Variants in CASP6 observed in about 807,000 individuals in gnomAD.
The protein encoded by CASP6 is caspase-6.
Under a neutral mutation model 31.8 loss-of-function variants are expected in CASP6, and 20 were observed. The observed-to-expected ratio is 0.63, with a 90% CI of 0.44 to 0.91. CASP6 has a LOEUF of 0.91. Ranked by LOEUF, CASP6 falls within the 40% of genes least tolerant of loss-of-function variation. CASP6 has a pLI of 0.00. For synonymous variants in CASP6, 130 were observed against 127.8 expected (o/e 1.02, Z -0.12); for missense variants, 328 against 361.1 (o/e 0.91, Z 0.74).
downstream of CASP6, among the ~76,000 whole-genome samples, chr4:109,686,503 A>T (rs931764408): frequency 1.3e-5 from 2 of 152,110 alleles, no homozygotes; most frequent in African/African-American, 2.4e-5. Context: ...TAATGCTTTT[A>T]AAAAAAATTT....
At position 109,696,305 on chromosome 4, in the gene CASP6, C is replaced by CT. The variant is rs560281672; in HGVS notation, c.307+104dup. On this transcript the variant is annotated intron_variant, in intron 4 of 6. Coordinates refer to ENST00000265164, the MANE Select transcript of CASP6 (RefSeq NM_001226.4). ...ACCTGTAACCTGTGCTAAATTAATA[C>CT]TTTTTTTGTCACACAAGTAATTACT... The CT allele has an allele frequency of 9.4e-5, 74 of 791,300 alleles. No individual in the cohort carries two copies. In the East Asian group the frequency reaches 1.6e-3, roughly 17 times the overall value. The allele number at this position is 791,300 out of a possible 1,614,324, so 49.0% of individuals were successfully genotyped here. A position where few individuals can be genotyped will look rare whatever the true frequency, so the allele number is the denominator to read the frequency against.
At chr4:109,680,549 T>TTTTTTTTTTTTTTTTGAG in the CASP6 span, among the ~76,000 whole-genome samples, 1 of 152,040 alleles carries the variant, frequency 6.6e-6, no homozygotes, top group African/African-American at 2.4e-5. Context: ...GTATATGTTT[T>TTTTTTTTTTTTTTTTGAG]ATGTACCAAT....
Position 109,689,323 on chromosome 4 carries a change from C to CTATT in CASP6, c.*3_*6dup. 1 of 1,610,682 alleles carries CTATT rather than the reference C, an allele frequency of 6.2e-7. No homozygotes were observed. Among genetic ancestry groups the CTATT allele is most frequent in the Middle Eastern group, 1.7e-4 (1 of 6,048 alleles). On this transcript the variant is annotated 3_prime_UTR_variant, in exon 7 of 7. Transcript: ENST00000265164. Reference sequence around the variant, plus strand: ...TACAGAGTGTAAAATTAGATAGCCTCTATTAATTAATTAGATTTTGGAAAG... The same window carrying CTATT: ...TACAGAGTGTAAAATTAGATAGCCTCTATTTATTAATTAATTAGATTTTGGAAAG...
chr4:109,682,330 T>TC, the CASP6 span, among the ~76,000 whole-genome samples: 2 of 151,970 alleles, frequency 1.3e-5, no homozygotes, highest in Non-Finnish European at 2.9e-5. Flanking sequence ...GTGACTTTTT[T>TC]TTTTTTTACC....
the CASP6 span, among the ~76,000 whole-genome samples, chr4:109,681,979 C>T: frequency 6.6e-6 from 1 of 152,234 alleles, no homozygotes; most frequent in African/African-American, 2.4e-5. Context: ...GGTTTTATAT[C>T]CCGATCCTTG....
At chr4:109,674,849 T>C in the CASP6 span, among the ~76,000 whole-genome samples, 1 of 152,236 alleles carries the variant, frequency 6.6e-6, no homozygotes, top group Non-Finnish European at 1.5e-5. Context: ...AATGAACACT[T>C]TTTAAATGTG....
chr4:109,682,765 T>C, the CASP6 span: 1 of 1,584,038 alleles, frequency 6.3e-7, no homozygotes, highest in Non-Finnish European at 8.6e-7. Flanking sequence ...CACGGTTGAG[T>C]ATATTTGAAA....
At chr4:109,695,257 A>G (rs1325186601) in intron 4 of CASP6, among the ~76,000 whole-genome samples, 2 of 152,236 alleles carry the variant, frequency 1.3e-5, no homozygotes, top group East Asian at 3.8e-4. Context: ...ATAGAGTTTG[A>G]CCAAATTTCA....
chr4:109,707,945 G>C (rs1040558601), upstream of CASP6, among the ~76,000 whole-genome samples: 1 of 152,106 alleles, frequency 6.6e-6, no homozygotes, highest in Non-Finnish European at 1.5e-5. Flanking sequence ...TTGATGAAAC[G>C]GTGGCTTTAT....
chr4:109,671,823 A>G, the CASP6 span, among the ~76,000 whole-genome samples: 2 of 152,156 alleles, frequency 1.3e-5, no homozygotes, highest in African/African-American at 2.4e-5. Flanking sequence ...ATGATGTATC[A>G]GGCAATAGAA....
chr4:109,694,511 G>A lies in CASP6; in HGVS notation c.483+14C>T. On this transcript the variant is annotated intron_variant, in intron 5 of 6. Transcript: ENST00000265164. The stretch of plus-strand genomic sequence containing the variant: ...CAGACTTTATAATTAAGATGATAAT[G>A]TACTCAGTCTTACCTGAATGATAAA... The A allele has an allele frequency of 6.4e-7, 1 of 1,554,708 alleles. No individual in the cohort carries two copies. The highest frequency in any genetic ancestry group is 8.7e-7 in the Non-Finnish European group (1 of 1,151,880).
At chr4:109,705,531 T>C (rs1028170860), upstream of CASP6, among the ~76,000 whole-genome samples, 26 of 152,158 alleles carry the variant, frequency 1.7e-4, no homozygotes, top group Non-Finnish European at 4.4e-5. Context: ...ATGATTCCTC[T>C]GATAGTTCTG....
At chr4:109,690,292 T>C (rs1730004133) in intron 6 of CASP6, among the ~76,000 whole-genome samples, 1 of 148,582 alleles carries the variant, frequency 6.7e-6, no homozygotes, top group African/African-American at 2.5e-5. Flanking sequence ...TCCCAGCACT[T>C]TGGGAGGCCA....
At chr4:109,695,162 G>A (rs1288901094) in intron 4 of CASP6, among the ~76,000 whole-genome samples, 1 of 152,058 alleles carries the variant, frequency 6.6e-6, no homozygotes, top group African/African-American at 2.4e-5. Context: ...TATCTGTGAT[G>A]AAACAACTTA....
the CASP6 span, among the ~76,000 whole-genome samples, chr4:109,709,204 G>C: frequency 1.3e-5 from 2 of 152,148 alleles, no homozygotes; most frequent in African/African-American, 4.8e-5. Flanking sequence ...CATCATCTGA[G>C]AACTTGTTAG....
upstream of CASP6, among the ~76,000 whole-genome samples, chr4:109,705,974 T>TAA (rs59584573): frequency 1.3e-3 from 37 of 29,394 alleles, 1 homozygote; most frequent in Middle Eastern, 0.045. Flanking sequence ...AGACACTCTT[T>TAA]AAAAAAAAAA....
chr4:109,691,161 C>T, intron 5 of CASP6, 152 bp from the exon 6 acceptor site: 1 of 747,220 alleles, frequency 1.3e-6, no homozygotes, highest in Non-Finnish European at 1.9e-6. Flanking sequence ...GTTTGGAGGG[C>T]ACAAAAGCCA....
the CASP6 span, among the ~76,000 whole-genome samples, chr4:109,664,926 A>G: frequency 1.4e-4 from 19 of 138,984 alleles, no homozygotes; most frequent in Non-Finnish European, 2.5e-4. Context: ...ACATGATTGT[A>G]TAGCTCTTAA....
intron 6 of CASP6, among the ~76,000 whole-genome samples, chr4:109,689,905 T>C (rs1011435634): frequency 1.3e-5 from 2 of 152,014 alleles, no homozygotes; most frequent in Admixed American, 6.6e-5. Flanking sequence ...TATTTTTCAG[T>C]TGGGCATGGT....
Sources: gnomAD v4.1 joint callset for allele counts (sites outside exome capture counted in the v4.1 genomes callset) on GRCh38, gnomAD v4.1.1 for gene constraint, MANE v1.5 for transcripts, NCBI Gene and HGNC (gene_info 2026-07-23, HGNC 2026-07-21) for gene names.